CNTN4: variants seen among roughly 807,000 people sequenced by gnomAD.
CNTN4 encodes contactin-4.
In CNTN4, 77 loss-of-function variants were observed where a neutral mutation model predicts 122.5. The observed-to-expected ratio is 0.63, with a 90% CI of 0.52 to 0.76. The LOEUF is 0.76. Among genes scored for constraint, CNTN4 ranks in the 30% least tolerant of loss-of-function variants. The pLI, the probability that CNTN4 is intolerant of heterozygous loss-of-function variation, is 0.00. For missense variants in CNTN4, 1,256 were observed against 1,259.1 expected, an observed-to-expected ratio of 1.00 and a Z score of 0.04; for synonymous variants, 512 against 447.0, an observed-to-expected ratio of 1.15 and a Z score of -1.83.
chr3:2,130,757 C>G (rs181618316), intron 2 of CNTN4, among the ~76,000 whole-genome samples: 1 of 152,128 alleles, frequency 6.6e-6, no homozygotes, highest in Non-Finnish European at 1.5e-5. Flanking sequence ...ATAATAGTAA[C>G]TTACATATCT....
chr3:2,386,418 A>T (rs921719302), intron 3 of CNTN4, among the ~76,000 whole-genome samples: 5 of 152,160 alleles, frequency 3.3e-5, no homozygotes, highest in Non-Finnish European at 7.4e-5. Context: ...TGCTTTCCCC[A>T]TCTGGGGCCA....
At chr3:3,033,603 A>G (rs947392775) in intron 16 of CNTN4, among the ~76,000 whole-genome samples, 1 of 152,146 alleles carries the variant, frequency 6.6e-6, no homozygotes, top group Non-Finnish European at 1.5e-5. Flanking sequence ...TCCTAGGAAC[A>G]TCTCCTTATG....
intron 3 of CNTN4, among the ~76,000 whole-genome samples, chr3:2,339,620 C>T (rs1044187109): frequency 3.9e-5 from 6 of 152,158 alleles, no homozygotes; most frequent in East Asian, 1.9e-4. Context: ...ATTAAGTTAA[C>T]GCAGTCCTAT....
chr3:2,584,372 A>C (rs2080083778), intron 4 of CNTN4, among the ~76,000 whole-genome samples: 1 of 152,068 alleles, frequency 6.6e-6, no homozygotes, highest in Non-Finnish European at 1.5e-5. Context: ...GAGGGTCAAA[A>C]GTGATTGTGT....
chr3:2,646,977 T>A (rs1251334409), intron 4 of CNTN4, among the ~76,000 whole-genome samples: 1 of 152,170 alleles, frequency 6.6e-6, no homozygotes, highest in Non-Finnish European at 1.5e-5. Flanking sequence ...TGGGGAAACA[T>A]AATTTAGCTC....
intron 3 of CNTN4, among the ~76,000 whole-genome samples, chr3:2,474,895 T>C (rs964547695): frequency 5.9e-5 from 9 of 152,214 alleles, no homozygotes; most frequent in Non-Finnish European, 1.2e-4. Context: ...TGATATTCTT[T>C]CTGTGAAGAC....
rs549589800 is a variant in CNTN4, at chr3:2,231,511, C to A, written c.-144-107667C>A. 4.2e-4 allele frequency among the ~76,000 whole-genome samples: 64 copies of A among 152,242 alleles called. 1 individual carries two copies. In the South Asian group the frequency reaches 0.013, roughly 32 times the overall value. On this transcript the variant is annotated intron_variant, in intron 2 of 24. Transcript: ENST00000418658. ...TAAAGAGCTTCTATTCTCAAGAGTT[C>A]TCTGAGGAAGCAGTACATCTATGCA...
At chr3:2,739,970 CT>C (rs2089364218) in intron 5 of CNTN4, among the ~76,000 whole-genome samples, 1 of 152,132 alleles carries the variant, frequency 6.6e-6, no homozygotes, top group African/African-American at 2.4e-5. Context: ...TTTATCCTTG[CT>C]TTTTAGAAAA....
At chr3:2,791,394 A>T (rs1309804794) in intron 6 of CNTN4, among the ~76,000 whole-genome samples, 1 of 152,168 alleles carries the variant, frequency 6.6e-6, no homozygotes, top group Middle Eastern at 3.4e-3. Context: ...TTAGCTGAGC[A>T]TGGTGGCGTG....
At chr3:2,708,257 A>C (rs1057143751) in intron 4 of CNTN4, among the ~76,000 whole-genome samples, 3 of 152,210 alleles carry the variant, frequency 2.0e-5, no homozygotes, top group Non-Finnish European at 2.9e-5. Context: ...TTGAAAAACT[A>C]ATGATGACAA....
intron 3 of CNTN4, among the ~76,000 whole-genome samples, chr3:2,487,313 A>G (rs1440057060): frequency 6.6e-6 from 1 of 152,210 alleles, no homozygotes; most frequent in Non-Finnish European, 1.5e-5. Context: ...ACTATTACCA[A>G]TTCGTAGTAT....
At chr3:2,352,450 C>T (rs960760648) in intron 3 of CNTN4, among the ~76,000 whole-genome samples, 15 of 152,142 alleles carry the variant, frequency 9.9e-5, no homozygotes, top group Admixed American at 5.9e-4. Flanking sequence ...GCTGGAGTTC[C>T]GGGTAGGTGC....
chr3:2,598,365 G>C (rs1013871498), intron 4 of CNTN4, among the ~76,000 whole-genome samples: 12 of 152,068 alleles, frequency 7.9e-5, no homozygotes, highest in Admixed American at 6.5e-4. Context: ...AGTTTCTGGT[G>C]TATTTTAAGG....
At chr3:2,641,367 C>T (rs2619577) in intron 4 of CNTN4, among the ~76,000 whole-genome samples, 1 of 151,948 alleles carries the variant, frequency 6.6e-6, no homozygotes, top group Admixed American at 6.6e-5. Flanking sequence ...TTTTTGTAGA[C>T]GTGAAAGCAG....
At chr3:2,935,281 G>A (rs1455572391) in intron 13 of CNTN4, among the ~76,000 whole-genome samples, 1 of 152,096 alleles carries the variant, frequency 6.6e-6, no homozygotes, top group Non-Finnish European at 1.5e-5. Context: ...CATATATATG[G>A]AATTTGTATA....
chr3:2,864,353 T>G (rs1032711335), intron 7 of CNTN4, among the ~76,000 whole-genome samples: 1 of 152,086 alleles, frequency 6.6e-6, no homozygotes, highest in African/African-American at 2.4e-5. Context: ...ATATCGACTT[T>G]CTGGTTGCTA....
intron 10 of CNTN4, among the ~76,000 whole-genome samples, chr3:2,893,818 A>G (rs887702615): frequency 6.6e-6 from 1 of 152,126 alleles, no homozygotes; most frequent in African/African-American, 2.4e-5. Context: ...GCTTAAGTTG[A>G]TTCATTTATC....
In CNTN4 at chr3:2,873,470, A is replaced by G. The variant is rs775516883; in HGVS notation, c.652+6521A>G. 6.6e-5 allele frequency among the ~76,000 whole-genome samples: 10 copies of G among 152,220 alleles called. No homozygotes were observed. In the Middle Eastern group the frequency reaches 9.5e-3, roughly 145 times the overall value. On this transcript the variant is annotated intron_variant, in intron 8 of 24. Coordinates refer to ENST00000418658, the MANE Select transcript of CNTN4 (RefSeq NM_175607.3). ...CACCTCTGTGACCATTATACCTCCT[A>G]GTGGCTCAGAAGACTACATTCCCCA...
chr3:2,556,141 G>A (rs894619042), intron 3 of CNTN4, among the ~76,000 whole-genome samples: 2 of 152,112 alleles, frequency 1.3e-5, no homozygotes, highest in African/African-American at 4.8e-5. Flanking sequence ...TTAAAAACTT[G>A]AAAGGAGGCT....
Sources: gnomAD v4.1 joint callset for allele counts (sites outside exome capture counted in the v4.1 genomes callset) on GRCh38, gnomAD v4.1.1 for gene constraint, MANE v1.5 for transcripts, NCBI Gene and HGNC (gene_info 2026-07-23, HGNC 2026-07-21) for gene names.